PARVA: variants seen among roughly 807,000 people sequenced by gnomAD.
The protein encoded by PARVA is parvin alpha, also known as alpha-parvin.
In PARVA, 25 loss-of-function variants were observed where a neutral mutation model predicts 52.6. The ratio of observed to expected loss-of-function variants is 0.48; its 90% CI spans 0.35 to 0.66. The LOEUF (loss-of-function observed/expected upper bound fraction) is 0.66, where lower values mean the gene tolerates loss of function less well. Ranked by LOEUF, PARVA falls within the 30% of genes least tolerant of loss-of-function variation. PARVA has a pLI of 0.01. For synonymous variants in PARVA, 185 were observed against 179.1 expected (o/e 1.03, Z -0.26); for missense variants, 373 against 450.9 (o/e 0.83, Z 1.56).
intron 1 of PARVA, among the ~76,000 whole-genome samples, chr11:12,401,501 G>A (rs947103395): frequency 2.6e-5 from 4 of 152,214 alleles, no homozygotes; most frequent in Non-Finnish European, 4.4e-5. Context: ...CCATTCTGCA[G>A]CACACACAGA....
At chr11:12,458,277 G>A (rs1940725402) in intron 1 of PARVA, among the ~76,000 whole-genome samples, 1 of 152,198 alleles carries the variant, frequency 6.6e-6, no homozygotes, top group East Asian at 1.9e-4. Flanking sequence ...CGCAGGGCCT[G>A]GCCCCAGGAG....
intron 7 of PARVA, 77 bp from the exon 8 acceptor site, chr11:12,511,437 A>C (rs1480066705): frequency 6.7e-7 from 1 of 1,489,092 alleles, no homozygotes; most frequent in African/African-American, 1.4e-5. Context: ...GCAGTGATGG[A>C]GTGTCCTTTC....
At chr11:12,376,709 A>G, upstream of PARVA, 1 of 984,244 alleles carries the variant, frequency 1.0e-6, no homozygotes, top group Non-Finnish European at 1.2e-6. Flanking sequence ...AGAAGGACAA[A>G]GAGCCAGAGT....
At chr11:12,433,117 A>G (rs1940338098) in intron 1 of PARVA, among the ~76,000 whole-genome samples, 1 of 152,212 alleles carries the variant, frequency 6.6e-6, no homozygotes, top group Non-Finnish European at 1.5e-5. Flanking sequence ...CAAATGCTAA[A>G]TTCCTTCTGC....
In PARVA at chr11:12,532,470, T is replaced by A. The variant is rs988348845; in HGVS notation, c.*4545T>A. On this transcript the variant is annotated 3_prime_UTR_variant, in exon 13 of 13. Coordinates refer to ENST00000334956, the MANE Select transcript of PARVA (RefSeq NM_018222.5). Reference sequence around the variant, plus strand: ...CCTGAGAAATTTCTAGGATGAGTACTCTGAACTCAGGACTTCATTTAGTCA... The same window carrying A: ...CCTGAGAAATTTCTAGGATGAGTACACTGAACTCAGGACTTCATTTAGTCA... Among the ~76,000 whole-genome samples the A allele has an allele frequency of 2.6e-5, 4 of 152,168 alleles. No individual in the cohort carries two copies. Among genetic ancestry groups the A allele is most frequent in the African/African-American group, 9.6e-5 (4 of 41,460 alleles).
intron 1 of PARVA, among the ~76,000 whole-genome samples, chr11:12,471,797 G>A (rs1940938170): frequency 6.6e-6 from 1 of 152,202 alleles, no homozygotes; most frequent in South Asian, 2.1e-4. Context: ...TAGCTCAAGT[G>A]GCTAGTAGCT....
chr11:12,496,371 A>C (rs1224737962), intron 4 of PARVA, 87 bp from the exon 5 acceptor site: 12 of 997,984 alleles, frequency 1.2e-5, no homozygotes, highest in Admixed American at 4.0e-5. Flanking sequence ...TGAGTGCATG[A>C]GAGACCGAAT....
At chr11:12,382,519 G>A (rs1442493064) in intron 1 of PARVA, among the ~76,000 whole-genome samples, 1 of 151,822 alleles carries the variant, frequency 6.6e-6, no homozygotes, top group Non-Finnish European at 1.5e-5. Flanking sequence ...GTTCAAACCT[G>A]TGTTGTTCAA....
In PARVA at chr11:12,517,742, C is replaced by T. The variant is rs1341806264; in HGVS notation, c.969+31C>T. 2.8e-6 allele frequency: 4 copies of T among 1,453,232 alleles called. No homozygotes were observed. The South Asian group carries it at 4.8e-5, about 18-fold the overall frequency. 90.0% of individuals were successfully genotyped at this position (1,453,232 alleles called of 1,614,324 possible). On this transcript the variant is annotated intron_variant, in intron 11 of 12. Coordinates refer to ENST00000334956, the MANE Select transcript of PARVA (RefSeq NM_018222.5). ...GAGAAGGGACATCAAGGGAGGCCCCCTAGCCCACATCCCCTGACTCATGTG... is the reference window on the plus strand; with the variant it reads ...GAGAAGGGACATCAAGGGAGGCCCCTTAGCCCACATCCCCTGACTCATGTG...
intron 1 of PARVA, among the ~76,000 whole-genome samples, chr11:12,426,904 A>C (rs1316701714): frequency 2.0e-5 from 3 of 152,156 alleles, no homozygotes; most frequent in Non-Finnish European, 4.4e-5. Flanking sequence ...AGAGGAATGG[A>C]TATTCTGGGG....
rs918393272 is a variant in PARVA, at chr11:12,430,755, C to A, written c.137-42990C>A. ...TAATAGAGGATAGTTATAGACATAT[C>A]ACTTGGGCAGCTGTCAAATTAGTTA... On this transcript the variant is annotated intron_variant, in intron 1 of 12. Coordinates refer to ENST00000334956, the MANE Select transcript of PARVA (RefSeq NM_018222.5). 1.8e-4 allele frequency among the ~76,000 whole-genome samples: 28 copies of A among 152,164 alleles called. 1 individual carries two copies. The highest frequency in any genetic ancestry group is 1.3e-4 in the Non-Finnish European group (9 of 68,024).
At chr11:12,511,669 T>C in intron 8 of PARVA, 136 bp downstream of exon 8, 3 of 901,302 alleles carry the variant, frequency 3.3e-6, no homozygotes, top group Non-Finnish European at 5.4e-6. Context: ...ACATGGCCAA[T>C]TGGGTTGGGA....
At chr11:12,427,676 TG>T (rs1940258102) in intron 1 of PARVA, among the ~76,000 whole-genome samples, 1 of 152,246 alleles carries the variant, frequency 6.6e-6, no homozygotes. Flanking sequence ...TTTTGTCTTA[TG>T]GGTCATCAGC....
chr11:12,404,925 A>G (rs1031842091), intron 1 of PARVA, among the ~76,000 whole-genome samples: 2 of 152,234 alleles, frequency 1.3e-5, no homozygotes, highest in African/African-American at 4.8e-5. Flanking sequence ...CAAGGTCCAT[A>G]TGGGAGCAGT....
intron 6 of PARVA, among the ~76,000 whole-genome samples, chr11:12,505,823 T>C (rs1941425500): frequency 6.6e-6 from 1 of 152,228 alleles, no homozygotes; most frequent in African/African-American, 2.4e-5. Context: ...GTGAATGCAA[T>C]TCTTTATGTT....
rs1238918687 is a variant in PARVA at position 12,477,918 on chromosome 11, G to C, written c.369G>C (p.Leu123Phe). The C allele has an allele frequency of 3.7e-6, 6 of 1,609,646 alleles. No individual in the cohort carries two copies. The Admixed American group carries it at 1.0e-4, about 27-fold the overall frequency. The change falls in exon 4 of 13, where the codon TTG (leucine) becomes TTC (phenylalanine). Residue 123 changes from leucine (L) to phenylalanine (F), a missense_variant. By Grantham distance (22) the Leu-to-Phe change is conservative. Coordinates refer to ENST00000334956, the MANE Select transcript of PARVA (RefSeq NM_018222.5). Reference sequence around the variant, plus strand: ...TTGTGAAAGACCTAGCTGAAGATTTGTATGATGGACAAGTCCTGCAGAAGC... The same window carrying C: ...TTGTGAAAGACCTAGCTGAAGATTTCTATGATGGACAAGTCCTGCAGAAGC... ...RIIVKDLAED[L>F]YDGQVLQKLF...
intron 7 of PARVA, 101 bp from the exon 8 acceptor site, chr11:12,511,413 G>A (rs1941500911): frequency 7.9e-7 from 1 of 1,271,240 alleles, no homozygotes. Flanking sequence ...CAGGCAGCAT[G>A]GGGTGGGCTT....
chr11:12,521,770 A>G (rs1481989076), intron 12 of PARVA, among the ~76,000 whole-genome samples: 1 of 152,220 alleles, frequency 6.6e-6, no homozygotes, highest in Non-Finnish European at 1.5e-5. Context: ...AGGCTCACCC[A>G]ACCATTGCTG....
chr11:12,379,850 C>G (rs1294433269), intron 1 of PARVA, among the ~76,000 whole-genome samples: 1 of 152,212 alleles, frequency 6.6e-6, no homozygotes, highest in Non-Finnish European at 1.5e-5. Flanking sequence ...TTGGGAAGCT[C>G]TTTTCTAGAC....
Sources: allele counts gnomAD v4.1 joint callset (sites outside exome capture counted in the v4.1 genomes callset), GRCh38; gene constraint gnomAD v4.1.1; transcripts MANE v1.5; gene names NCBI Gene and HGNC (gene_info 2026-07-23, HGNC 2026-07-21).